Variants in HS6ST3 observed in about 807,000 individuals in gnomAD.
HS6ST3 encodes the protein heparan sulfate 6-O-sulfotransferase 3.
A neutral mutation model predicts 36.7 loss-of-function variants in HS6ST3; 12 were observed. The observed-to-expected ratio is 0.33, with a 90% CI of 0.21 to 0.53. The LOEUF is 0.53. HS6ST3 is among the 20% of genes least tolerant of loss of function. The probability of loss-of-function intolerance (pLI) is 0.95; values close to 1 mark genes in which losing one functional copy is unlikely to be tolerated. For missense variants in HS6ST3, 584 were observed against 640.9 expected (o/e 0.91, Z 0.96); for synonymous variants, 240 against 257.5 (o/e 0.93, Z 0.65).
intron 1 of HS6ST3, among the ~76,000 whole-genome samples, chr13:96,308,075 G>T (rs2054922444): frequency 1.3e-5 from 2 of 152,078 alleles, no homozygotes; most frequent in Admixed American, 1.3e-4. Flanking sequence ...TAAGATGAGA[G>T]AAAGTATTTA....
At chr13:96,621,367 TA>T in intron 1 of HS6ST3, among the ~76,000 whole-genome samples, 1 of 152,294 alleles carries the variant, frequency 6.6e-6, no homozygotes, top group East Asian at 1.9e-4. Flanking sequence ...TGATGGTTTT[TA>T]AAATGGCAGT....
intron 1 of HS6ST3, among the ~76,000 whole-genome samples, chr13:96,757,475 A>T (rs1876860310): frequency 6.6e-6 from 1 of 152,286 alleles, no homozygotes; most frequent in Middle Eastern, 3.4e-3. Flanking sequence ...GTTTTTTTTA[A>T]ATATACTTTT....
At chr13:96,823,243 T>C (rs1350487116) in intron 1 of HS6ST3, among the ~76,000 whole-genome samples, 1 of 152,234 alleles carries the variant, frequency 6.6e-6, no homozygotes, top group Non-Finnish European at 1.5e-5. Context: ...TTCTCTTGAC[T>C]TAGGAATTCT....
At chr13:96,208,467 A>G (rs2054382916) in intron 1 of HS6ST3, among the ~76,000 whole-genome samples, 1 of 152,188 alleles carries the variant, frequency 6.6e-6, no homozygotes, top group African/African-American at 2.4e-5. Context: ...GGTTGCCAGA[A>G]ATGTAAATTT....
intron 1 of HS6ST3, among the ~76,000 whole-genome samples, chr13:96,719,191 T>G (rs1355796983): frequency 1.3e-5 from 2 of 151,998 alleles, no homozygotes; most frequent in Non-Finnish European, 2.9e-5. Context: ...GGAGAATTGC[T>G]TGAACCCGGG....
chr13:96,400,110 T>C (rs1422920259), intron 1 of HS6ST3, among the ~76,000 whole-genome samples: 1 of 151,930 alleles, frequency 6.6e-6, no homozygotes, highest in Non-Finnish European at 1.5e-5. Context: ...CCTCTGCTTA[T>C]CTCAGTATAC....
intron 1 of HS6ST3, among the ~76,000 whole-genome samples, chr13:96,666,249 G>T (rs945484164): frequency 6.6e-6 from 1 of 152,116 alleles, no homozygotes; most frequent in African/African-American, 2.4e-5. Context: ...ATGGGGGTAA[G>T]CCCCACCATG....
chr13:96,630,883 A>T (rs1232365131), intron 1 of HS6ST3, among the ~76,000 whole-genome samples: 1 of 152,188 alleles, frequency 6.6e-6, no homozygotes, highest in Non-Finnish European at 1.5e-5. Flanking sequence ...ACTTTCAGAA[A>T]TGGGAAGTCC....
chr13:96,447,925 T>G (rs2055707266), intron 1 of HS6ST3, among the ~76,000 whole-genome samples: 2 of 152,184 alleles, frequency 1.3e-5, no homozygotes. Context: ...TGTGTGTCTG[T>G]GTCGTTTTAT....
chr13:96,781,122 A>G (rs1224348931), intron 1 of HS6ST3, among the ~76,000 whole-genome samples: 3 of 152,038 alleles, frequency 2.0e-5, no homozygotes, highest in East Asian at 3.9e-4. Flanking sequence ...CAATTCCCCC[A>G]TTTTCCTTGT....
intron 1 of HS6ST3, among the ~76,000 whole-genome samples, chr13:96,741,220 A>G (rs936317842): frequency 6.6e-6 from 1 of 152,140 alleles, no homozygotes; most frequent in Non-Finnish European, 1.5e-5. Flanking sequence ...TGTTCTTGCC[A>G]CTGAGCAACA....
At chr13:96,314,714 A>G (rs2054959596) in intron 1 of HS6ST3, among the ~76,000 whole-genome samples, 1 of 152,230 alleles carries the variant, frequency 6.6e-6, no homozygotes, top group Non-Finnish European at 1.5e-5. Context: ...TTCAATTCAA[A>G]TAAAGTATAA....
At chr13:96,735,659 C>A (rs981850481) in intron 1 of HS6ST3, among the ~76,000 whole-genome samples, 2 of 152,090 alleles carry the variant, frequency 1.3e-5, no homozygotes, top group Admixed American at 1.3e-4. Flanking sequence ...TTGCGCTAAA[C>A]CAATGGAAAC....
intron 1 of HS6ST3, among the ~76,000 whole-genome samples, chr13:96,683,449 G>A (rs967004931): frequency 1.3e-4 from 20 of 152,098 alleles, no homozygotes; most frequent in African/African-American, 4.8e-4. Context: ...GTATGTTTAA[G>A]ACATTGTAAG....
chr13:96,724,938 T>A (rs1049190373), intron 1 of HS6ST3, among the ~76,000 whole-genome samples: 1 of 152,324 alleles, frequency 6.6e-6, no homozygotes, highest in South Asian at 2.1e-4. Context: ...TTTTCAGAAA[T>A]TGCCAAATGG....
intron 1 of HS6ST3, among the ~76,000 whole-genome samples, chr13:96,247,096 A>G (rs1477357250): frequency 1.3e-5 from 2 of 152,140 alleles, no homozygotes; most frequent in Non-Finnish European, 2.9e-5. Flanking sequence ...TGGAAAGCAA[A>G]TCAGACATTT....
intron 1 of HS6ST3, among the ~76,000 whole-genome samples, chr13:96,194,693 A>T (rs1334929992): frequency 6.6e-6 from 1 of 152,130 alleles, no homozygotes; most frequent in Non-Finnish European, 1.5e-5. Context: ...TTTGATCTCC[A>T]GAACTTATTC....
chr13:96,787,948 T>A (rs1186830977), intron 1 of HS6ST3, among the ~76,000 whole-genome samples: 1 of 151,996 alleles, frequency 6.6e-6, no homozygotes, highest in Non-Finnish European at 1.5e-5. Context: ...CAGGTTTAGG[T>A]CAAGGTTTAT....
chr13:96,425,204 A>G (rs913586735), intron 1 of HS6ST3, among the ~76,000 whole-genome samples: 4 of 152,236 alleles, frequency 2.6e-5, no homozygotes, highest in African/African-American at 7.2e-5. Flanking sequence ...CTCTTAGATC[A>G]TTGTGAGGAT....
Sources: gnomAD v4.1 joint callset for allele counts (sites outside exome capture counted in the v4.1 genomes callset) on GRCh38, gnomAD v4.1.1 for gene constraint, MANE v1.5 for transcripts, NCBI Gene and HGNC (gene_info 2026-07-23, HGNC 2026-07-21) for gene names.